Variants in TACC2 observed in about 807,000 individuals in gnomAD.
TACC2 encodes the protein transforming acidic coiled-coil-containing protein 2.
TACC2 carries 137 observed loss-of-function variants against 227.3 expected under a neutral mutation model. The ratio of observed to expected loss-of-function variants is 0.60; its 90% CI spans 0.52 to 0.69. The LOEUF (loss-of-function observed/expected upper bound fraction) is 0.69, where lower values mean the gene tolerates loss of function less well. Ranked by LOEUF, TACC2 falls within the 30% of genes least tolerant of loss-of-function variation. TACC2 has a pLI of 0.00. For synonymous variants in TACC2, 1,523 were observed against 1,487.5 expected (o/e 1.02, Z -0.55); for missense variants, 3,470 against 3,694.4 (o/e 0.94, Z 1.57).
intron 7 of TACC2, chr10:122,163,940 TCC>T: frequency 1.3e-6 from 2 of 1,583,702 alleles, no homozygotes; most frequent in Non-Finnish European, 1.7e-6. Context: ...AGGGTCGCAG[TCC>T]CTGCAGCCAG....
intron 3 of TACC2, among the ~76,000 whole-genome samples, chr10:122,074,201 C>T (rs1051556748): frequency 1.3e-5 from 2 of 151,992 alleles, no homozygotes; most frequent in Non-Finnish European, 2.9e-5. Context: ...CTGCCTCAGC[C>T]TCCTGAGTAG....
chr10:122,079,256 C>A lies in TACC2; in HGVS notation c.147-3391C>A, dbSNP rs750009378. 2.6e-5 allele frequency: 4 copies of A among 152,164 alleles called. No individual in the cohort carries two copies. In the East Asian group the frequency reaches 5.8e-4, roughly 22 times the overall value. The allele number at this position is 152,164 out of a possible 1,614,324, so 9.4% of individuals were successfully genotyped here. A position where few individuals can be genotyped will look rare whatever the true frequency, so the allele number is the denominator to read the frequency against. ...GAGCAGCGAAGGGTGGGGGAGGAGG[C>A]ATCGGGTTTCGTTCTGGACCTGGTG... On this transcript the variant is annotated intron_variant, in intron 3 of 22. Coordinates refer to ENST00000369005, the MANE Select transcript of TACC2 (RefSeq NM_206862.4).
At chr10:122,143,849 C>T in intron 7 of TACC2, 143 bp downstream of exon 7, 1 of 908,838 alleles carries the variant, frequency 1.1e-6, no homozygotes, top group South Asian at 1.8e-5. Context: ...ATGTCTCTGA[C>T]CCTTTGGGCC....
chr10:122,011,430 A>G (rs1256519451), intron 1 of TACC2, among the ~76,000 whole-genome samples: 3 of 152,140 alleles, frequency 2.0e-5, no homozygotes, highest in Admixed American at 2.0e-4. Flanking sequence ...CCCGGGTTCA[A>G]GCGATTCTCC....
At position 122,096,425 on chromosome 10, in the gene TACC2, G is replaced by A. The variant is rs533202306; in HGVS notation, c.5573+7834G>A. 2.0e-4 allele frequency among the ~76,000 whole-genome samples: 30 copies of A among 152,296 alleles called. No individual in the cohort carries two copies. In the East Asian group the frequency reaches 4.4e-3, roughly 23 times the overall value. On this transcript the variant is annotated intron_variant, in intron 5 of 22. Coordinates refer to ENST00000369005, the MANE Select transcript of TACC2 (RefSeq NM_206862.4). Reference sequence around the variant, plus strand: ...AGAGTGCCCCTTACCGGCCAGGCGCGGTGGCTCACGCCTATAATCCCAGCA... The same window carrying A: ...AGAGTGCCCCTTACCGGCCAGGCGCAGTGGCTCACGCCTATAATCCCAGCA...
intron 1 of TACC2, among the ~76,000 whole-genome samples, chr10:121,998,495 C>T (rs1047576832): frequency 6.6e-6 from 1 of 152,100 alleles, no homozygotes; most frequent in African/African-American, 2.4e-5. Context: ...TCCTGTTATT[C>T]TATCTTGTGA....
At chr10:122,224,918 T>G in intron 12 of TACC2, 131 bp downstream of exon 12, 91 of 709,618 alleles carry the variant, frequency 1.3e-4, no homozygotes, top group Middle Eastern at 3.0e-4. Context: ...GCTTCCCGGG[T>G]GCACAGCAGT....
rs1195403704 is a variant in TACC2 at position 122,087,325 on chromosome 10, C to A, written c.4825C>A (p.Pro1609Thr). ...CCAGGAAACATCTGCCTGCGACAGT[C>A]CACATGGAGAAGATGGTCCCGGGGA... ...QHQETSACDS[P>T]HGEDGPGDFA... The change falls in exon 4 of 23, where the codon CCA becomes ACA. Residue 1609 changes from proline to threonine, a missense_variant. This residue lies in a region of TACC2 where 1,924 missense variants were observed against 1,978.3 expected (regional missense o/e 0.97). Transcript: ENST00000369005. 1 of 1,614,036 alleles carries A rather than the reference C, an allele frequency of 6.2e-7. No individual in the cohort carries two copies.
Position 122,210,677 on chromosome 10 carries a change from C to A in TACC2, c.6252C>A (p.Ser2084=). ...TCCCCATCTCTAAGTCTACACTGTC[C>A]CGGTCGCTCAGCCTGCAAGCCAGTG... ...DSVPISKSTL[S]RSLSLQASDF... Residue 2084 remains serine (S), a synonymous_variant, in exon 9 of 23, where the codon TCC becomes TCA. Transcript: ENST00000369005. The surrounding 1 kb of genome is among the most constrained non-coding windows in gnomAD (Gnocchi z 4.6). The A allele has an allele frequency of 5.0e-6, 8 of 1,614,068 alleles. No individual in the cohort carries two copies. Among genetic ancestry groups the A allele is most frequent in the Non-Finnish European group, 6.8e-6 (8 of 1,180,042 alleles).
rs528468597 is a variant in TACC2, at chr10:122,122,548, C to T, written c.5574-10061C>T. 5.5e-4 allele frequency among the ~76,000 whole-genome samples: 83 copies of T among 149,634 alleles called. No homozygotes were observed. In the South Asian group the frequency reaches 6.8e-3, roughly 12 times the overall value. ...CTTTAAATTGCTAGGCTTTCTCATCCGAGAGTGGAAAATCTCTGTTCTCCC... is the reference window on the plus strand; with the variant it reads ...CTTTAAATTGCTAGGCTTTCTCATCTGAGAGTGGAAAATCTCTGTTCTCCC... On this transcript the variant is annotated intron_variant, in intron 5 of 22. Coordinates refer to ENST00000369005, the MANE Select transcript of TACC2 (RefSeq NM_206862.4).
At chr10:122,113,760 C>T (rs1288458032) in intron 5 of TACC2, among the ~76,000 whole-genome samples, 2 of 152,262 alleles carry the variant, frequency 1.3e-5, no homozygotes, top group Non-Finnish European at 2.9e-5. Flanking sequence ...CTTTTAAATT[C>T]TCGAATAGTT....
At chr10:122,124,092 A>G (rs1469233733) in intron 5 of TACC2, among the ~76,000 whole-genome samples, 1 of 152,120 alleles carries the variant, frequency 6.6e-6, no homozygotes, top group Non-Finnish European at 1.5e-5. Context: ...GATTATAGTC[A>G]TGAGCCACTG....
chr10:122,210,132 A>T lies in TACC2; in HGVS notation c.5972-265A>T. 5.8e-6 allele frequency: 3 copies of T among 518,958 alleles called. No individual in the cohort carries two copies. Among genetic ancestry groups the T allele is most frequent in the Non-Finnish European group, 7.0e-6 (2 of 287,376 alleles). 32.1% of individuals were successfully genotyped at this position (518,958 alleles called of 1,614,324 possible). ...TTAGGCACTTGGTGAATGTTTTTGA[A>T]TGAATACTCTGAGCTGTTCTTTAAT... On this transcript the variant is annotated intron_variant, in intron 8 of 22. Coordinates refer to ENST00000369005, the MANE Select transcript of TACC2 (RefSeq NM_206862.4). The surrounding 1 kb of genome is among the most constrained non-coding windows in gnomAD (Gnocchi z 4.6).
chr10:122,000,333 C>T lies in TACC2; in HGVS notation c.-46+10845C>T, dbSNP rs112159168. Among the ~76,000 whole-genome samples the T allele has an allele frequency of 2.5e-3, 378 of 152,178 alleles. 1 individual carries two copies. The highest frequency in any genetic ancestry group is 8.5e-3 in the African/African-American group (354 of 41,518). On this transcript the variant is annotated intron_variant, in intron 1 of 22. Transcript: ENST00000369005. ...GGCAGAGCTTGCAGTGAGCAGAGAT[C>T]GCGCCACTGCACTCCAGCCTGGGCG...
intron 11 of TACC2, among the ~76,000 whole-genome samples, chr10:122,223,814 G>A (rs2095569649): frequency 6.6e-6 from 1 of 152,150 alleles, no homozygotes; most frequent in Admixed American, 6.5e-5. Flanking sequence ...TTTTCACAGT[G>A]GGTTTCTGAG....
intron 11 of TACC2, among the ~76,000 whole-genome samples, chr10:122,220,031 C>CT (rs1449196964): frequency 1.4e-5 from 2 of 147,446 alleles, no homozygotes; most frequent in Admixed American, 6.7e-5. Context: ...GAGTGAGACT[C>CT]TGTCTCCAAA....
At chr10:122,080,038 A>G (rs1277743679) in intron 3 of TACC2, among the ~76,000 whole-genome samples, 1 of 152,158 alleles carries the variant, frequency 6.6e-6, no homozygotes, top group Non-Finnish European at 1.5e-5. Context: ...GAGTGACTTA[A>G]AATACAGAAA....
At chr10:122,108,890 C>T (rs553951291) in intron 5 of TACC2, among the ~76,000 whole-genome samples, 38 of 152,174 alleles carry the variant, frequency 2.5e-4, no homozygotes, top group African/African-American at 8.9e-4. Context: ...CGCGCCACCA[C>T]GCCTGGCTAA....
chr10:122,031,977 G>C (rs1007665555), intron 2 of TACC2, among the ~76,000 whole-genome samples: 6 of 152,122 alleles, frequency 3.9e-5, no homozygotes, highest in African/African-American at 7.2e-5. Context: ...CAAAGTGCTG[G>C]GATTACAGGC....
Sources: gnomAD v4.1 joint callset for allele counts (sites outside exome capture counted in the v4.1 genomes callset) on GRCh38, gnomAD v4.1.1 for gene constraint, gnomAD v4.1.1 regional missense constraint, Gnocchi (gnomAD v3.1) non-coding constraint, MANE v1.5 for transcripts, NCBI Gene and HGNC (gene_info 2026-07-23, HGNC 2026-07-21) for gene names.